The following SORCS3 variants were observed in gnomAD, a reference collection of about 807,000 sequenced individuals.
The protein encoded by SORCS3 is sortilin related VPS10 domain containing receptor 3, also known as VPS10 domain-containing receptor SorCS3.
A neutral mutation model predicts 146.3 loss-of-function variants in SORCS3; 57 were observed. The ratio of observed to expected loss-of-function variants is 0.39; its 90% CI spans 0.31 to 0.49. SORCS3 has a LOEUF of 0.49. Ranked by LOEUF, SORCS3 falls within the 20% of genes least tolerant of loss-of-function variation. SORCS3 has a pLI of 0.92. For synonymous variants in SORCS3, 653 were observed against 618.5 expected (o/e 1.06, Z -0.83); for missense variants, 1,341 against 1,575.5 (o/e 0.85, Z 2.52).
At chr10:104,848,089 A>G (rs546674696) in intron 2 of SORCS3, among the ~76,000 whole-genome samples, 5 of 152,236 alleles carry the variant, frequency 3.3e-5, no homozygotes, top group South Asian at 2.1e-4. Context: ...ATCATTGACA[A>G]TGCTTAGCAT....
chr10:105,182,758 C>T (rs775397614), intron 14 of SORCS3, among the ~76,000 whole-genome samples: 73 of 152,028 alleles, frequency 4.8e-4, no homozygotes, highest in Non-Finnish European at 2.4e-4. Flanking sequence ...TGCAGTGATG[C>T]GGTCATGGTT....
intron 4 of SORCS3, among the ~76,000 whole-genome samples, chr10:105,009,694 A>C (rs2055121076): frequency 6.6e-6 from 1 of 151,466 alleles, no homozygotes; most frequent in South Asian, 2.1e-4. Flanking sequence ...TTTTTCAATA[A>C]TTTTCATATA....
intron 1 of SORCS3, among the ~76,000 whole-genome samples, chr10:104,823,491 A>G (rs1310614763): frequency 6.6e-6 from 1 of 151,960 alleles, no homozygotes; most frequent in African/African-American, 2.4e-5. Flanking sequence ...TCCCACTGCC[A>G]TTGCCTCAGT....
intron 1 of SORCS3, among the ~76,000 whole-genome samples, chr10:104,790,039 C>T (rs2133499326): frequency 6.6e-6 from 1 of 152,324 alleles, no homozygotes; most frequent in South Asian, 2.1e-4. Flanking sequence ...GGTGTCTTCC[C>T]CAGGACAAAA....
chr10:105,252,501 A>G (rs1259797130), intron 22 of SORCS3, among the ~76,000 whole-genome samples: 1 of 152,242 alleles, frequency 6.6e-6, no homozygotes, highest in Non-Finnish European at 1.5e-5. Context: ...CAATGTTCCC[A>G]GCAAATAATG....
chr10:105,263,288 CTG>C lies in SORCS3; in HGVS notation c.3605-18_3605-17del, dbSNP rs1554891595. 4.3e-6 allele frequency: 7 copies of C among 1,613,036 alleles called. No homozygotes were observed. Among genetic ancestry groups the C allele is most frequent in the Non-Finnish European group, 5.9e-6 (7 of 1,179,192 alleles). On this transcript the variant is annotated intron_variant, in intron 26 of 26. Transcript: ENST00000369701. ...TTGTGGAACTCACATCCATTTCTCC[CTG>C]TGTCTTCTCTTCTCTGCAGGAGGCA... is the stretch of plus-strand genomic sequence containing the variant.
At chr10:104,998,252 C>T (rs142621133) in intron 4 of SORCS3, among the ~76,000 whole-genome samples, 276 of 152,266 alleles carry the variant, frequency 1.8e-3, no homozygotes, top group African/African-American at 6.5e-3. Context: ...TTCCCTGATT[C>T]TCTTTTTCCC....
chr10:104,918,331 T>G (rs774717665), intron 3 of SORCS3, among the ~76,000 whole-genome samples: 6 of 152,184 alleles, frequency 3.9e-5, no homozygotes, highest in Non-Finnish European at 7.4e-5. Context: ...AAAACTCACA[T>G]AGCCAGATAG....
At chr10:105,196,647 T>C (rs556231519) in intron 14 of SORCS3, among the ~76,000 whole-genome samples, 5 of 152,224 alleles carry the variant, frequency 3.3e-5, no homozygotes, top group African/African-American at 1.2e-4. Context: ...TTTATAAACT[T>C]CCACACTTTT....
chr10:104,894,566 TC>T (rs1439856655), intron 2 of SORCS3, among the ~76,000 whole-genome samples: 6 of 152,122 alleles, frequency 3.9e-5, no homozygotes, highest in Admixed American at 6.6e-5. Context: ...TCTTAGAGAA[TC>T]CCAGGCAGCC....
intron 2 of SORCS3, among the ~76,000 whole-genome samples, chr10:104,876,213 G>C (rs569879559): frequency 6.6e-6 from 1 of 152,142 alleles, no homozygotes; most frequent in African/African-American, 2.4e-5. Context: ...TTATTCTAAG[G>C]ATTTTAATCA....
At chr10:105,037,809 A>G (rs1334237582) in intron 4 of SORCS3, among the ~76,000 whole-genome samples, 1 of 152,164 alleles carries the variant, frequency 6.6e-6, no homozygotes, top group African/African-American at 2.4e-5. Context: ...TCAACCCATA[A>G]CAATGCCTGT....
Position 104,719,462 on chromosome 10 carries a change from C to T in SORCS3, c.627+77508C>T, listed in dbSNP as rs145421230. Among the ~76,000 whole-genome samples the T allele has an allele frequency of 6.5e-4, 99 of 152,264 alleles. 1 individual carries two copies. The highest frequency in any genetic ancestry group is 1.1e-3 in the Non-Finnish European group (73 of 68,020). ...ATTCCTTGACTCTGAAAGAATTCCTCGACTTCTGTATTCATCTGAAAGAAT... is the reference window on the plus strand; with the variant it reads ...ATTCCTTGACTCTGAAAGAATTCCTTGACTTCTGTATTCATCTGAAAGAAT... On this transcript the variant is annotated intron_variant, in intron 1 of 26. Coordinates refer to ENST00000369701, the MANE Select transcript of SORCS3 (RefSeq NM_014978.3).
At chr10:104,698,151 C>T (rs2016238835) in intron 1 of SORCS3, among the ~76,000 whole-genome samples, 1 of 152,110 alleles carries the variant, frequency 6.6e-6, no homozygotes, top group Admixed American at 6.6e-5. Context: ...TTTCAAAGCA[C>T]TCTGTCATTT....
chr10:104,937,615 C>T (rs577223321), intron 3 of SORCS3, among the ~76,000 whole-genome samples: 19 of 152,180 alleles, frequency 1.2e-4, no homozygotes, highest in Non-Finnish European at 2.2e-4. Context: ...GCATATGATA[C>T]GTTTTCCTTC....
In SORCS3 at chr10:105,143,551, A is replaced by T. The variant is rs75997151; in HGVS notation, c.1302+4065A>T. 3.3e-3 allele frequency among the ~76,000 whole-genome samples: 497 copies of T among 152,246 alleles called. 1 individual carries two copies. In the Middle Eastern group the frequency reaches 0.034, roughly 10 times the overall value. On this transcript the variant is annotated intron_variant, in intron 8 of 26. Transcript: ENST00000369701. Reference sequence around the variant, plus strand: ...CCATCTTTCAACTATGTTTACTTATATACTCCATTTGTTTCTTCAATAGTC... The same window carrying T: ...CCATCTTTCAACTATGTTTACTTATTTACTCCATTTGTTTCTTCAATAGTC...
intron 3 of SORCS3, among the ~76,000 whole-genome samples, chr10:104,950,708 C>G (rs1423297218): frequency 6.6e-6 from 1 of 152,134 alleles, no homozygotes; most frequent in Non-Finnish European, 1.5e-5. Flanking sequence ...CGGGGAAATT[C>G]TGTCTTAAAA....
At chr10:105,027,573 T>A (rs2055239349) in intron 4 of SORCS3, among the ~76,000 whole-genome samples, 1 of 152,020 alleles carries the variant, frequency 6.6e-6, no homozygotes, top group South Asian at 2.1e-4. Context: ...CTCACCATGT[T>A]TTTTTTCATG....
intron 25 of SORCS3, among the ~76,000 whole-genome samples, chr10:105,260,685 G>A (rs1349153904): frequency 2.6e-5 from 4 of 152,164 alleles, no homozygotes; most frequent in Non-Finnish European, 2.9e-5. Context: ...TCCACATTTC[G>A]CATCATTTGG....
Sources: allele counts gnomAD v4.1 joint callset (sites outside exome capture counted in the v4.1 genomes callset), GRCh38; gene constraint gnomAD v4.1.1; transcripts MANE v1.5; gene names NCBI Gene and HGNC (gene_info 2026-07-23, HGNC 2026-07-21).